NLRP5: variants seen among roughly 807,000 people sequenced by gnomAD.
The protein encoded by NLRP5 is NACHT, LRR and PYD domains-containing protein 5.
In NLRP5, 93 loss-of-function variants were observed where a neutral mutation model predicts 113.1. The observed-to-expected ratio is 0.82, with a 90% CI of 0.70 to 0.98. The LOEUF is 0.98. Ranked by LOEUF, NLRP5 falls within the 50% of genes least tolerant of loss-of-function variation. NLRP5 has a pLI of 0.00. For missense variants in NLRP5, 1,808 were observed against 1,514.3 expected (o/e 1.19, Z -3.22); for synonymous variants, 751 against 600.7 (o/e 1.25, Z -3.66).
At chr19:56,048,979 A>AAATT (rs1555770466) in intron 11 of NLRP5, among the ~76,000 whole-genome samples, 44 of 94,924 alleles carry the variant, frequency 4.6e-4, no homozygotes, top group Admixed American at 8.1e-4. Flanking sequence ...TTTTTTTTTA[A>AAATT]TTTTTTTTTT....
intron 3 of NLRP5, among the ~76,000 whole-genome samples, chr19:56,009,090 G>A (rs562055955): frequency 5.9e-4 from 90 of 152,118 alleles, no homozygotes; most frequent in Non-Finnish European, 1.0e-3. Flanking sequence ...TGTAATCCCA[G>A]TACTTTGGGA....
At chr19:55,989,483 C>T in the NLRP5 span, among the ~76,000 whole-genome samples, 5 of 152,310 alleles carry the variant, frequency 3.3e-5, 1 homozygote, top group African/African-American at 1.2e-4. Flanking sequence ...GAACTCCTGA[C>T]CTCAGATGAT....
intron 13 of NLRP5, among the ~76,000 whole-genome samples, chr19:56,057,085 G>A (rs552301339): frequency 5.9e-5 from 9 of 152,276 alleles, no homozygotes; most frequent in Admixed American, 2.6e-4. Context: ...GCAGTGAGTC[G>A]AGCTCGTGCC....
intron 4 of NLRP5, among the ~76,000 whole-genome samples, chr19:56,016,956 G>GCC (rs1178068925): frequency 1.3e-5 from 2 of 152,152 alleles, no homozygotes; most frequent in African/African-American, 2.4e-5. Flanking sequence ...TTACAGGCAT[G>GCC]CGCCACCATG....
upstream of NLRP5, among the ~76,000 whole-genome samples, chr19:55,995,098 C>G: frequency 6.6e-6 from 1 of 152,078 alleles, no homozygotes; most frequent in East Asian, 1.9e-4. Flanking sequence ...TCTGAGCAAA[C>G]TATCGCAAGG....
intron 12 of NLRP5, among the ~76,000 whole-genome samples, chr19:56,051,408 G>C (rs564612902): frequency 6.6e-6 from 1 of 152,118 alleles, no homozygotes; most frequent in African/African-American, 2.4e-5. Flanking sequence ...GGCCAGGCTG[G>C]TCTTGAACTC....
chr19:56,011,130 G>A (rs1040529290), intron 3 of NLRP5, among the ~76,000 whole-genome samples: 1 of 151,496 alleles, frequency 6.6e-6, no homozygotes, highest in Admixed American at 6.6e-5. Context: ...TTCAGCCTGG[G>A]TGATAAAATG....
rs554289741 is a variant in NLRP5, at chr19:56,057,114, C to T, written c.3300-1126C>T. On this transcript the variant is annotated intron_variant, in intron 13 of 14. Transcript: ENST00000390649. The stretch of plus-strand genomic sequence containing the variant: ...TCGTGCCACCACACCCCAGCCTCAG[C>T]GATAGAGCAAGACTCAGTCTGTGCA... Among the ~76,000 whole-genome samples, 45 of 152,230 alleles carry T rather than the reference C, an allele frequency of 3.0e-4. No individual in the cohort carries two copies. In the East Asian group the frequency reaches 7.0e-3, roughly 24 times the overall value.
chr19:55,999,275 C>T (rs969376336), upstream of NLRP5, among the ~76,000 whole-genome samples: 12 of 143,820 alleles, frequency 8.3e-5, no homozygotes, highest in South Asian at 2.2e-4. Context: ...AGTGCAATGC[C>T]ACAATCTTGG....
chr19:56,023,010 G>A (rs1319976823), intron 6 of NLRP5, among the ~76,000 whole-genome samples: 1 of 152,202 alleles, frequency 6.6e-6, no homozygotes, highest in Non-Finnish European at 1.5e-5. Flanking sequence ...ACAGGCGTGA[G>A]CCACTGCACC....
At chr19:56,055,333 C>G (rs929698903) in intron 13 of NLRP5, among the ~76,000 whole-genome samples, 1 of 151,706 alleles carries the variant, frequency 6.6e-6, no homozygotes, top group African/African-American at 2.4e-5. Context: ...GTTCTTCAAG[C>G]TCATCACACC....
At chr19:56,007,429 G>GA (rs1981968097) in intron 2 of NLRP5, among the ~76,000 whole-genome samples, 1 of 150,250 alleles carries the variant, frequency 6.7e-6, no homozygotes, top group Admixed American at 6.6e-5. Context: ...TCACTTCCTA[G>GA]AAGGAGTAAG....
intron 13 of NLRP5, among the ~76,000 whole-genome samples, chr19:56,055,737 G>A (rs1054778092): frequency 2.6e-5 from 4 of 151,016 alleles, no homozygotes; most frequent in South Asian, 2.1e-4. Context: ...AGTAGAGACG[G>A]GGTTTCACCG....
In NLRP5 at chr19:56,038,137, G is replaced by C; in HGVS notation, c.2728G>C (p.Gly910Arg). 2 of 1,613,972 alleles carry C rather than the reference G, an allele frequency of 1.2e-6. No individual in the cohort carries two copies. Among genetic ancestry groups the C allele is most frequent in the Non-Finnish European group, 1.7e-6 (2 of 1,179,864 alleles). Residue 910 changes from glycine to arginine, a missense_variant, in exon 10 of 15, where the codon GGA becomes CGA. By Grantham distance (125) the Gly-to-Arg change is moderately radical (BLOSUM62 -2). Coordinates refer to ENST00000390649, the MANE Select transcript of NLRP5 (RefSeq NM_153447.4). Reference sequence around the variant, plus strand: ...GGCAGGAAACAAGGTGACAGACCAGGGAGTAATGCCTCTCAGTGATGCCTT... The same window carrying C: ...GGCAGGAAACAAGGTGACAGACCAGCGAGTAATGCCTCTCAGTGATGCCTT...
chr19:56,050,387 C>G (rs540341288), intron 11 of NLRP5, 31 bp from the exon 12 acceptor site: 2 of 1,604,112 alleles, frequency 1.2e-6, no homozygotes, highest in Non-Finnish European at 1.7e-6. Flanking sequence ...ATGAGCATCA[C>G]GATCTTCTTT....
At chr19:56,024,157 A>T (rs1281369594) in intron 6 of NLRP5, among the ~76,000 whole-genome samples, 1 of 151,832 alleles carries the variant, frequency 6.6e-6, no homozygotes, top group Non-Finnish European at 1.5e-5. Context: ...GATAAGTTTC[A>T]TTTTTTCACA....
rs552325797 is a variant in NLRP5, at chr19:56,041,043, C to G, written c.2908C>G (p.Leu970Val). Residue 970 changes from leucine (L) to valine (V), a missense_variant, in exon 11 of 15, where the codon CTA becomes GTA. Coordinates refer to ENST00000390649, the MANE Select transcript of NLRP5 (RefSeq NM_153447.4). ...CAGCCTGGGGAACGAAGGTGTAAATCTACTGTGTCGATCCATGAGGCTTCC... is the reference window on the plus strand; with the variant it reads ...CAGCCTGGGGAACGAAGGTGTAAATGTACTGTGTCGATCCATGAGGCTTCC... The G allele has an allele frequency of 1.9e-6, 3 of 1,613,870 alleles. No individual in the cohort carries two copies. In the East Asian group the frequency reaches 6.7e-5, roughly 36 times the overall value.
intron 3 of NLRP5, among the ~76,000 whole-genome samples, chr19:56,010,060 T>C (rs1481874225): frequency 3.9e-5 from 6 of 152,184 alleles, no homozygotes; most frequent in Admixed American, 1.3e-4. Context: ...GTAACCTTGA[T>C]AGTAGGACTG....
chr19:56,003,797 T>C lies in NLRP5; in HGVS notation c.144T>C (p.Pro48=), dbSNP rs765087155. Residue 48 remains proline, a synonymous_variant, in exon 2 of 15, where the codon CCT becomes CCC. Coordinates refer to ENST00000390649, the MANE Select transcript of NLRP5 (RefSeq NM_153447.4). ...TCCCCCAAAACCTGAGCTCTCAGCC[T>C]TGTATCAAGATGGAAGGAGACAAAT... 4 of 1,613,986 alleles carry C rather than the reference T, an allele frequency of 2.5e-6. No individual in the cohort carries two copies. The highest frequency in any genetic ancestry group is 1.3e-5 in the African/African-American group (1 of 75,048).
Sources: gnomAD v4.1 joint callset for allele counts (sites outside exome capture counted in the v4.1 genomes callset) on GRCh38, gnomAD v4.1.1 for gene constraint, MANE v1.5 for transcripts, NCBI Gene and HGNC (gene_info 2026-07-23, HGNC 2026-07-21) for gene names.